The following PPP1R12B variants were observed in gnomAD, a reference collection of about 807,000 sequenced individuals.
PPP1R12B encodes the protein myosin phosphatase target subunit 2.
In PPP1R12B, 76 loss-of-function variants were observed where a neutral mutation model predicts 126.1. The ratio of observed to expected loss-of-function variants is 0.60; its 90% CI spans 0.50 to 0.73. PPP1R12B has a LOEUF of 0.73. Among genes scored for constraint, PPP1R12B ranks in the 30% least tolerant of loss-of-function variants. The pLI is 0.00. For synonymous variants in PPP1R12B, 356 were observed against 434.7 expected (o/e 0.82, Z 2.25); for missense variants, 1,052 against 1,205.1 (o/e 0.87, Z 1.88).
chr1:202,501,917 G>A (rs1383962953), intron 18 of PPP1R12B: 5 of 984,920 alleles, frequency 5.1e-6, no homozygotes, highest in East Asian at 2.3e-4. Flanking sequence ...GTGAAGGAAC[G>A]TCTTCTTGAA....
chr1:202,536,873 C>G (rs1485439491), intron 18 of PPP1R12B, among the ~76,000 whole-genome samples: 1 of 152,084 alleles, frequency 6.6e-6, no homozygotes, highest in Non-Finnish European at 1.5e-5. Context: ...CTGTCTTTCA[C>G]TTCCACATCT....
At chr1:202,444,967 A>G (rs1572056408) in intron 12 of PPP1R12B, 4 of 1,164,804 alleles carry the variant, frequency 3.4e-6, no homozygotes, top group Non-Finnish European at 4.4e-6. Flanking sequence ...CAAGTGCACA[A>G]TCTGGGTGGG....
intron 12 of PPP1R12B, among the ~76,000 whole-genome samples, chr1:202,446,252 A>ATTTTTTTT (rs1441894134): frequency 3.5e-5 from 2 of 57,248 alleles, no homozygotes; most frequent in African/African-American, 1.6e-4. Flanking sequence ...ATATATATAT[A>ATTTTTTTT]TATATTTTTT....
At chr1:202,395,179 T>C (rs1411064720) in intron 1 of PPP1R12B, among the ~76,000 whole-genome samples, 3 of 151,330 alleles carry the variant, frequency 2.0e-5, no homozygotes, top group African/African-American at 2.4e-5. Flanking sequence ...ATACCTGATA[T>C]TGGATGGAGC....
chr1:202,351,156 A>G (rs1336525091), intron 1 of PPP1R12B, among the ~76,000 whole-genome samples: 3 of 151,960 alleles, frequency 2.0e-5, no homozygotes, highest in Admixed American at 6.6e-5. Flanking sequence ...GCTTCAGAAC[A>G]TTACAAGTCA....
chr1:202,587,920 CA>C lies in PPP1R12B; in HGVS notation c.*7362del, dbSNP rs1163081618. 1.3e-5 allele frequency: 2 copies of C among 152,208 alleles called. No individual in the cohort carries two copies. Among genetic ancestry groups the C allele is most frequent in the Non-Finnish European group, 2.9e-5 (2 of 68,060 alleles). The allele number at this position is 152,208 out of a possible 1,614,324, so 9.4% of individuals were successfully genotyped here. A position where few individuals can be genotyped will look rare whatever the true frequency, so the allele number is the denominator to read the frequency against. ...AGGAGAGGGTTCTGAGAGGAGGCAGCAATCCAGAATACCTCCTTTTCTAGCC... is the reference window on the plus strand; with the variant it reads ...AGGAGAGGGTTCTGAGAGGAGGCAGCATCCAGAATACCTCCTTTTCTAGCC... On this transcript the variant is annotated 3_prime_UTR_variant, in exon 24 of 24. Transcript: ENST00000608999.
rs1338596208 is a variant in PPP1R12B at position 202,561,339 on chromosome 1, G to A, written c.2508-1439G>A. 2.1e-4 allele frequency among the ~76,000 whole-genome samples: 32 copies of A among 150,306 alleles called. 1 individual carries two copies. The stretch of plus-strand genomic sequence containing the variant: ...AAAAATTTAAGTGTCTATCATAGAA[G>A]ATTAGTTAAATTATCTTACAGGCAT... On this transcript the variant is annotated intron_variant, in intron 19 of 23. Coordinates refer to ENST00000608999, the MANE Select transcript of PPP1R12B (RefSeq NM_002481.4).
At chr1:202,476,204 C>CA (rs34552523) in intron 13 of PPP1R12B, among the ~76,000 whole-genome samples, 19,714 of 79,748 alleles carry the variant, frequency 0.25, 1,841 homozygotes, top group Non-Finnish European at 0.3. Context: ...GACTCTGTCT[C>CA]AAAAAAAAAA....
intron 12 of PPP1R12B, chr1:202,445,012 G>A: frequency 1.6e-6 from 2 of 1,246,022 alleles, no homozygotes; most frequent in Non-Finnish European, 2.0e-6. Flanking sequence ...TGAGCAGCAT[G>A]TCCTGAAGAA....
chr1:202,356,886 A>G (rs1167239406), intron 1 of PPP1R12B, among the ~76,000 whole-genome samples: 1 of 151,548 alleles, frequency 6.6e-6, no homozygotes. Flanking sequence ...CAGTGGCACA[A>G]TCTTGGCTCA....
At chr1:202,374,228 T>C (rs754468168) in intron 1 of PPP1R12B, among the ~76,000 whole-genome samples, 17 of 152,194 alleles carry the variant, frequency 1.1e-4, no homozygotes, top group Non-Finnish European at 4.4e-5. Context: ...CTCTGTTTAC[T>C]ATCTCAGTAA....
At chr1:202,560,393 C>G (rs1239061759) in intron 19 of PPP1R12B, among the ~76,000 whole-genome samples, 1 of 152,198 alleles carries the variant, frequency 6.6e-6, no homozygotes, top group African/African-American at 2.4e-5. Context: ...ATAGACAGAG[C>G]AGCTGGTTGC....
chr1:202,439,629 C>T, intron 10 of PPP1R12B: 1 of 818,078 alleles, frequency 1.2e-6, no homozygotes, highest in Non-Finnish European at 2.0e-6. Context: ...CTCCATAACT[C>T]CCCCAGGCTC....
chr1:202,352,245 A>C (rs1571511895), intron 1 of PPP1R12B, among the ~76,000 whole-genome samples: 1 of 152,212 alleles, frequency 6.6e-6, no homozygotes, highest in Admixed American at 6.5e-5. Flanking sequence ...GTGGAATAGT[A>C]CTTTAAATTT....
intron 9 of PPP1R12B, among the ~76,000 whole-genome samples, chr1:202,435,836 G>A (rs535417415): frequency 6.1e-4 from 93 of 152,292 alleles, no homozygotes; most frequent in African/African-American, 2.0e-3. Context: ...ATCCCTAGAA[G>A]CATCATCGTG....
intron 1 of PPP1R12B, among the ~76,000 whole-genome samples, chr1:202,374,136 A>G (rs982565258): frequency 1.3e-5 from 2 of 152,170 alleles, no homozygotes; most frequent in African/African-American, 4.8e-5. Context: ...TTATAACTAT[A>G]TATCCAACTG....
rs1668458723 is a variant in PPP1R12B at position 202,419,177 on chromosome 1, A to G, written c.422+2260A>G. Among the ~76,000 whole-genome samples, 2 of 152,110 alleles carry G rather than the reference A, an allele frequency of 1.3e-5. No homozygotes were observed. The highest frequency in any genetic ancestry group is 4.8e-5 in the African/African-American group (2 of 41,424). On this transcript the variant is annotated intron_variant, in intron 2 of 23. Coordinates refer to ENST00000608999, the MANE Select transcript of PPP1R12B (RefSeq NM_002481.4). This position sits in a 1 kb window ranked among gnomAD's most constrained non-coding sequence, Gnocchi z 4.6. Reference sequence around the variant, plus strand: ...AGCTGGGTGTTTTTACATTTTTTTTATGAATAAATGTTTCACTTAGAAGCA... The same window carrying G: ...AGCTGGGTGTTTTTACATTTTTTTTGTGAATAAATGTTTCACTTAGAAGCA...
At chr1:202,494,705 CAAAAA>C (rs554760520) in intron 15 of PPP1R12B, among the ~76,000 whole-genome samples, 1 of 134,240 alleles carries the variant, frequency 7.4e-6, no homozygotes, top group African/African-American at 2.8e-5. Context: ...GACTCCGTCT[CAAAAA>C]AAAAAAGAAA....
chr1:202,571,216 G>A (rs148998092), intron 23 of PPP1R12B, among the ~76,000 whole-genome samples: 22 of 152,286 alleles, frequency 1.4e-4, no homozygotes, highest in African/African-American at 4.8e-4. Flanking sequence ...GGTTGAGATA[G>A]GCTTACATTT....
Sources: gnomAD v4.1 joint callset for allele counts (sites outside exome capture counted in the v4.1 genomes callset) on GRCh38, gnomAD v4.1.1 for gene constraint, Gnocchi (gnomAD v3.1) non-coding constraint, MANE v1.5 for transcripts, NCBI Gene and HGNC (gene_info 2026-07-23, HGNC 2026-07-21) for gene names.